The following SLC15A1 variants were observed in gnomAD, a reference collection of about 807,000 sequenced individuals.
SLC15A1 encodes Caco-2 oligopeptide transporter.
A neutral mutation model predicts 92.9 loss-of-function variants in SLC15A1; 83 were observed. The observed-to-expected ratio is 0.89, with a 90% confidence interval of 0.75 to 1.07. SLC15A1 has a LOEUF of 1.07. Ranked by LOEUF, SLC15A1 falls within the 50% of genes least tolerant of loss-of-function variation. SLC15A1 has a pLI of 0.00. For synonymous variants in SLC15A1, 322 were observed against 318.2 expected (o/e 1.01, Z -0.13); for missense variants, 857 against 880.1 (o/e 0.97, Z 0.33).
At chr13:98,737,237 G>A (rs994248297) in intron 1 of SLC15A1, among the ~76,000 whole-genome samples, 16 of 152,146 alleles carry the variant, frequency 1.1e-4, no homozygotes, top group African/African-American at 2.7e-4. Context: ...AGCATCTGTC[G>A]CAAGGACAGA....
At chr13:98,709,035 T>C (rs1297089894) in intron 14 of SLC15A1, among the ~76,000 whole-genome samples, 3 of 148,410 alleles carry the variant, frequency 2.0e-5, no homozygotes, top group Non-Finnish European at 4.4e-5. Flanking sequence ...TGGCACAATC[T>C]CAGCTCACTG....
At chr13:98,715,426 G>T (rs1354451250) in intron 9 of SLC15A1, among the ~76,000 whole-genome samples, 1 of 152,214 alleles carries the variant, frequency 6.6e-6, no homozygotes, top group Admixed American at 6.5e-5. Flanking sequence ...GCCCGCCTAG[G>T]CCTCCCAAAG....
At chr13:98,724,673 C>A (rs2088285370) in intron 4 of SLC15A1, among the ~76,000 whole-genome samples, 1 of 152,072 alleles carries the variant, frequency 6.6e-6, no homozygotes, top group East Asian at 1.9e-4. Context: ...GGGGGTTTCA[C>A]CACGTTAGCC....
chr13:98,748,973 T>A (rs2088518909), intron 1 of SLC15A1, among the ~76,000 whole-genome samples: 1 of 152,164 alleles, frequency 6.6e-6, no homozygotes, highest in Non-Finnish European at 1.5e-5. Context: ...ATGTTCAAGT[T>A]TGAAAAACGC....
At chr13:98,745,123 C>T (rs1052947252) in intron 1 of SLC15A1, among the ~76,000 whole-genome samples, 3 of 152,092 alleles carry the variant, frequency 2.0e-5, no homozygotes, top group Admixed American at 6.6e-5. Context: ...AGAGGTAAAT[C>T]GCCTGTGTCT....
At chr13:98,710,332 G>T (rs2088151584) in intron 11 of SLC15A1, among the ~76,000 whole-genome samples, 2 of 152,256 alleles carry the variant, frequency 1.3e-5, no homozygotes, top group South Asian at 4.1e-4. Context: ...GACAGTCTAG[G>T]CTGGCTGCAC....
intron 10 of SLC15A1, 77 bp downstream of exon 10, chr13:98,712,421 C>T (rs2088171161): frequency 8.6e-7 from 1 of 1,158,960 alleles, no homozygotes; most frequent in Non-Finnish European, 1.3e-6. Context: ...GTCCATGTAA[C>T]CTTAATCTGA....
Position 98,715,950 on chromosome 13 carries a change from G to T in SLC15A1, c.651C>A (p.Val217=). ...ACTTCTTGTACATCCCACTGCCAAGGACAAACACAACTAGATAGGGCAGAA... is the reference window on the plus strand; with the variant it reads ...ACTTCTTGTACATCCCACTGCCAAGTACAAACACAACTAGATAGGGCAGAA... The part of the protein sequence containing the change: ...ALMAVALIVF[V]LGSGMYKKFK... The change falls in exon 9 of 23, where the codon GTC becomes GTA. Residue 217 remains valine, a synonymous_variant. Transcript: ENST00000376503. 6.2e-7 allele frequency: 1 copy of T among 1,614,032 alleles called. No individual in the cohort carries two copies. Among genetic ancestry groups the T allele is most frequent in the South Asian group, 1.1e-5 (1 of 91,076 alleles).
At chr13:98,752,511 G>C in intron 1 of SLC15A1, 84 bp downstream of exon 1, 3 of 1,207,086 alleles carry the variant, frequency 2.5e-6, no homozygotes, top group Non-Finnish European at 3.2e-6. Flanking sequence ...CGTACCCTTC[G>C]CGCCTCCCGG....
At chr13:98,739,067 G>A (rs2088419024) in intron 1 of SLC15A1, among the ~76,000 whole-genome samples, 1 of 152,246 alleles carries the variant, frequency 6.6e-6, no homozygotes, top group South Asian at 2.1e-4. Context: ...AAGATTTAGT[G>A]CCTGCCCTGC....
chr13:98,732,690 G>A (rs1228680859), intron 1 of SLC15A1, among the ~76,000 whole-genome samples: 3 of 152,164 alleles, frequency 2.0e-5, no homozygotes, highest in South Asian at 4.1e-4. Context: ...GTTGGACTTC[G>A]GAAGTTGGAA....
intron 1 of SLC15A1, among the ~76,000 whole-genome samples, chr13:98,741,573 T>C (rs547994664): frequency 6.6e-6 from 1 of 152,160 alleles, no homozygotes; most frequent in African/African-American, 2.4e-5. Context: ...CCGTCTCTAC[T>C]AAATATACAA....
At chr13:98,685,561 C>CAGCT (rs1381995502) in intron 22 of SLC15A1, among the ~76,000 whole-genome samples, 1 of 152,220 alleles carries the variant, frequency 6.6e-6, no homozygotes, top group East Asian at 1.9e-4. Flanking sequence ...GTCTGCTTTG[C>CAGCT]AGCTGCTAAG....
chr13:98,726,440 C>G lies in SLC15A1; in HGVS notation c.31G>C (p.Gly11Arg). Residue 11 changes from glycine (G) to arginine (R), a missense_variant, in exon 3 of 23, where the codon GGT becomes CGT. Coordinates refer to ENST00000376503, the MANE Select transcript of SLC15A1 (RefSeq NM_005073.4). Reference protein sequence around the residue: MGMSKSHSFFGYPLSIFFIVV... With the variant: MGMSKSHSFFRYPLSIFFIVV... Reference sequence around the variant, plus strand: ...ATGAAGAAGATGCTCAGGGGATAACCAAAGAAACTCTGACAAAAAAGAAAC... The same window carrying G: ...ATGAAGAAGATGCTCAGGGGATAACGAAAGAAACTCTGACAAAAAAGAAAC... The G allele has an allele frequency of 1.2e-6, 2 of 1,613,736 alleles. No homozygotes were observed. The highest frequency in any genetic ancestry group is 8.5e-7 in the Non-Finnish European group (1 of 1,179,846).
intron 1 of SLC15A1, among the ~76,000 whole-genome samples, chr13:98,737,715 T>G (rs1210563465): frequency 2.6e-5 from 4 of 152,094 alleles, no homozygotes; most frequent in Non-Finnish European, 4.4e-5. Flanking sequence ...CTTATAGCAA[T>G]ACAAGAATGG....
rs140798892 is a variant in SLC15A1 at position 98,718,272 on chromosome 13, C to T, written c.640+965G>A. ...CAAAAGCTTTTAGCCTTGGGTTCAG[C>T]TAATCCAGCAGATTCTATCACCTTC... On this transcript the variant is annotated intron_variant, in intron 8 of 22. Coordinates refer to ENST00000376503, the MANE Select transcript of SLC15A1 (RefSeq NM_005073.4). 2.1e-3 allele frequency among the ~76,000 whole-genome samples: 298 copies of T among 141,268 alleles called. 4 individuals carry two copies. The highest frequency in any genetic ancestry group is 7.7e-3 in the African/African-American group (284 of 36,664). The allele number at this position is 141,268 out of a possible 152,430, so 92.7% of individuals were successfully genotyped here. A position where few individuals can be genotyped will look rare whatever the true frequency, so the allele number is the denominator to read the frequency against.
At chr13:98,703,666 C>G (rs894782592) in intron 17 of SLC15A1, among the ~76,000 whole-genome samples, 1 of 150,240 alleles carries the variant, frequency 6.7e-6, no homozygotes, top group Non-Finnish European at 1.5e-5. Flanking sequence ...AAGCAATCCT[C>G]GCACCCCAGC....
rs757476285 is a variant in SLC15A1 at position 98,688,365 on chromosome 13, A to C, written c.1575-9T>G. 4 of 1,610,564 alleles carry C rather than the reference A, an allele frequency of 2.5e-6. No individual in the cohort carries two copies. In the South Asian group the frequency reaches 4.4e-5, roughly 18 times the overall value. On this transcript the variant is annotated splice_polypyrimidine_tract_variant and intron_variant, in intron 19 of 22. Coordinates refer to ENST00000376503, the MANE Select transcript of SLC15A1 (RefSeq NM_005073.4). ...TTATTGTGAAGCCTTTTCTATCAAA[A>C]TAAAGAATAATATTGGTTAACATTC...
At chr13:98,718,564 C>T (rs1199416413) in intron 8 of SLC15A1, among the ~76,000 whole-genome samples, 2 of 152,168 alleles carry the variant, frequency 1.3e-5, no homozygotes, top group East Asian at 3.9e-4. Context: ...TGCCTGTAAT[C>T]CCAGCACTTT....
Sources: allele counts gnomAD v4.1 joint callset (sites outside exome capture counted in the v4.1 genomes callset), GRCh38; gene constraint gnomAD v4.1.1; transcripts MANE v1.5; gene names NCBI Gene and HGNC (gene_info 2026-07-23, HGNC 2026-07-21).